Variants in SLC25A28 observed in about 807,000 individuals in gnomAD.
SLC25A28 encodes the protein mitoferrin-2.
In SLC25A28, 10 loss-of-function variants were observed where a neutral mutation model predicts 31.9. The observed-to-expected ratio is 0.31, with a 90% CI of 0.19 to 0.53. SLC25A28 has a LOEUF of 0.53. Among genes scored for constraint, SLC25A28 ranks in the 20% least tolerant of loss-of-function variants. SLC25A28 has a pLI of 0.95. For missense variants in SLC25A28, 256 were observed against 490.3 expected (o/e 0.52, Z 4.51); for synonymous variants, 208 against 203.6 (o/e 1.02, Z -0.19).
the SLC25A28 span, among the ~76,000 whole-genome samples, chr10:99,630,182 G>T: frequency 6.6e-6 from 1 of 152,048 alleles, no homozygotes; most frequent in African/African-American, 2.4e-5. Context: ...TGGCTGGAGT[G>T]CGGTGGTACA....
chr10:99,651,934 T>A, the SLC25A28 span: 3 of 152,176 alleles, frequency 2.0e-5, no homozygotes, highest in Non-Finnish European at 4.4e-5. Flanking sequence ...TTTTGGTGTG[T>A]GAGTGTGTAT....
chr10:99,620,475 C>T (rs1042601094), upstream of SLC25A28: 206 of 1,045,524 alleles, frequency 2.0e-4, no homozygotes, highest in Non-Finnish European at 2.1e-4. Flanking sequence ...CGCGGACACG[C>T]CCCCCAAGCA....
chr10:99,632,952 G>A, the SLC25A28 span, among the ~76,000 whole-genome samples: 19 of 152,254 alleles, frequency 1.2e-4, no homozygotes, highest in African/African-American at 4.6e-4. Context: ...AATAACATAA[G>A]GGTCTATCAT....
At chr10:99,654,995 C>T in the SLC25A28 span, among the ~76,000 whole-genome samples, 1 of 152,200 alleles carries the variant, frequency 6.6e-6, no homozygotes, top group East Asian at 1.9e-4. Context: ...AACCTTAGAA[C>T]TCAGCCTTAT....
the SLC25A28 span, chr10:99,653,748 A>C: frequency 6.6e-6 from 1 of 152,186 alleles, no homozygotes; most frequent in African/African-American, 2.4e-5. Context: ...TTTGCAGAGT[A>C]ATTTAAGTCT....
the SLC25A28 span, among the ~76,000 whole-genome samples, chr10:99,628,833 A>G: frequency 6.6e-6 from 1 of 152,188 alleles, no homozygotes; most frequent in Admixed American, 6.5e-5. Flanking sequence ...AAAACAAAAC[A>G]AAAAAACCCA....
upstream of SLC25A28, among the ~76,000 whole-genome samples, chr10:99,622,890 G>T (rs921379645): frequency 6.6e-6 from 1 of 152,134 alleles, no homozygotes; most frequent in African/African-American, 2.4e-5. Flanking sequence ...CTGTGTACTT[G>T]AAGCTGGGGA....
chr10:99,612,482 G>A (rs2034550150), intron 3 of SLC25A28, 61 bp downstream of exon 3: 3 of 1,576,672 alleles, frequency 1.9e-6, no homozygotes, highest in East Asian at 4.5e-5. Flanking sequence ...GCTTTCTTCT[G>A]CAAACTGTAA....
chr10:99,645,494 C>G, the SLC25A28 span, among the ~76,000 whole-genome samples: 12 of 152,252 alleles, frequency 7.9e-5, no homozygotes, highest in African/African-American at 2.9e-4. Context: ...GCGGTGGGTT[C>G]GAACATTCTC....
chr10:99,622,754 A>T (rs1284309643), upstream of SLC25A28: 1 of 970,662 alleles, frequency 1.0e-6, no homozygotes, highest in Non-Finnish European at 1.2e-6. Context: ...GTCATCTTTA[A>T]TACCTTAGAG....
chr10:99,621,002 C>T, upstream of SLC25A28: 1 of 984,314 alleles, frequency 1.0e-6, no homozygotes, highest in Non-Finnish European at 1.2e-6. Context: ...GCGGGCGGCC[C>T]TGGCCCCGGA....
the SLC25A28 span, among the ~76,000 whole-genome samples, chr10:99,634,544 T>C: frequency 5.3e-5 from 8 of 151,978 alleles, no homozygotes; most frequent in Non-Finnish European, 4.4e-5. Context: ...AAGAAAGAAA[T>C]TCAGAACTCA....
the SLC25A28 span, among the ~76,000 whole-genome samples, chr10:99,645,520 G>T: frequency 6.6e-6 from 1 of 152,170 alleles, no homozygotes; most frequent in African/African-American, 2.4e-5. Flanking sequence ...GCTTAGAGAA[G>T]TTTGTTATTA....
chr10:99,627,023 T>G, the SLC25A28 span, among the ~76,000 whole-genome samples: 1 of 152,126 alleles, frequency 6.6e-6, no homozygotes, highest in South Asian at 2.1e-4. Flanking sequence ...GGCAGATCAC[T>G]TAAGGCCAGG....
At chr10:99,646,199 T>C in the SLC25A28 span, among the ~76,000 whole-genome samples, 2 of 152,230 alleles carry the variant, frequency 1.3e-5, no homozygotes, top group African/African-American at 2.4e-5. Context: ...GAGATGTGGT[T>C]GGCTCCAGCC....
chr10:99,614,364 A>T (rs1051896238), intron 1 of SLC25A28, among the ~76,000 whole-genome samples: 31 of 152,170 alleles, frequency 2.0e-4, no homozygotes, highest in African/African-American at 6.0e-4. Flanking sequence ...CTTCATGACC[A>T]CACACTGAGG....
the SLC25A28 span, among the ~76,000 whole-genome samples, chr10:99,641,165 A>T: frequency 6.6e-6 from 1 of 152,242 alleles, no homozygotes; most frequent in African/African-American, 2.4e-5. Flanking sequence ...TGGTTGAACT[A>T]GTTTACAGTC....
At chr10:99,654,130 G>A in the SLC25A28 span, among the ~76,000 whole-genome samples, 2 of 152,154 alleles carry the variant, frequency 1.3e-5, no homozygotes, top group African/African-American at 4.8e-5. Flanking sequence ...CTTTAAATAT[G>A]TAAGGGTTCT....
the SLC25A28 span, among the ~76,000 whole-genome samples, chr10:99,655,561 C>A: frequency 6.6e-6 from 1 of 152,156 alleles, no homozygotes; most frequent in Non-Finnish European, 1.5e-5. Flanking sequence ...CCACGCCCAG[C>A]CCCATTATGA....
Sources: allele counts gnomAD v4.1 joint callset (sites outside exome capture counted in the v4.1 genomes callset), GRCh38; gene constraint gnomAD v4.1.1; transcripts MANE v1.5; gene names NCBI Gene and HGNC (gene_info 2026-07-23, HGNC 2026-07-21).